ANKRD12: variants seen among roughly 807,000 people sequenced by gnomAD.
The protein encoded by ANKRD12 is ankyrin repeat domain-containing protein 12.
In ANKRD12, 85 loss-of-function variants were observed where a neutral mutation model predicts 183.4. That is an observed-to-expected ratio of 0.46 (90% CI 0.39 to 0.56). The LOEUF (loss-of-function observed/expected upper bound fraction) is 0.56, where lower values mean the gene tolerates loss of function less well. Ranked by LOEUF, ANKRD12 falls within the 20% of genes least tolerant of loss-of-function variation. ANKRD12 has a pLI of 0.00. For missense variants in ANKRD12, 2,405 were observed against 2,357.1 expected (o/e 1.02, Z -0.42); for synonymous variants, 914 against 800.2 (o/e 1.14, Z -2.40).
chr18:9,264,911 G>A (rs1375281075), intron 10 of ANKRD12, among the ~76,000 whole-genome samples: 2 of 152,224 alleles, frequency 1.3e-5, no homozygotes, highest in East Asian at 1.9e-4. Flanking sequence ...AGCTGCCAGC[G>A]TGAGCGACGC....
intron 8 of ANKRD12, among the ~76,000 whole-genome samples, chr18:9,253,806 G>A (rs2038436225): frequency 1.3e-5 from 2 of 152,142 alleles, no homozygotes; most frequent in South Asian, 4.1e-4. Context: ...ACAGTTTGGA[G>A]GTTCTCCAAA....
intron 8 of ANKRD12, among the ~76,000 whole-genome samples, chr18:9,227,300 G>A (rs528806377): frequency 6.6e-6 from 1 of 152,186 alleles, no homozygotes; most frequent in South Asian, 2.1e-4. Context: ...AACTTCTTGT[G>A]AGTGTGAAAT....
chr18:9,229,433 G>A (rs1444417828), intron 8 of ANKRD12, among the ~76,000 whole-genome samples: 1 of 152,064 alleles, frequency 6.6e-6, no homozygotes, highest in East Asian at 1.9e-4. Context: ...GAGCATGGGA[G>A]GTTTTTCCAT....
chr18:9,148,311 A>T (rs1260202217), intron 1 of ANKRD12, among the ~76,000 whole-genome samples: 1 of 150,972 alleles, frequency 6.6e-6, no homozygotes, highest in Non-Finnish European at 1.5e-5. Context: ...GGGAGGGAAA[A>T]ATATATATAT....
At chr18:9,140,385 C>T (rs2078275241) in intron 1 of ANKRD12, among the ~76,000 whole-genome samples, 1 of 152,314 alleles carries the variant, frequency 6.6e-6, no homozygotes, top group African/African-American at 2.4e-5. Context: ...CTGATCCCCA[C>T]TTAGTTCTAA....
At chr18:9,206,717 A>G (rs2035506739) in intron 4 of ANKRD12, among the ~76,000 whole-genome samples, 1 of 152,114 alleles carries the variant, frequency 6.6e-6, no homozygotes, top group African/African-American at 2.4e-5. Context: ...CTTTCTTTCC[A>G]AAATAATTAC....
chr18:9,255,750 TTAAAG>T lies in ANKRD12; in HGVS notation c.2484_2488del (p.Glu830GlyfsTer3), dbSNP rs749204420. ...GAAAAACCTGAGAAGCGATCTCAAATTAAAGAAAAGGACATTGAGAAGATGGAAAG... is the reference window on the plus strand; with the variant it reads ...GAAAAACCTGAGAAGCGATCTCAAATAAAAGGACATTGAGAAGATGGAAAG... On this transcript the variant is annotated frameshift_variant, in exon 9 of 13. Transcript: ENST00000262126. LOFTEE classifies it high-confidence loss of function. 6.3e-7 allele frequency: 1 copy of T among 1,584,676 alleles called. No homozygotes were observed. Among genetic ancestry groups the T allele is most frequent in the Non-Finnish European group, 8.5e-7 (1 of 1,172,290 alleles).
chr18:9,232,166 C>T (rs1373860211), intron 8 of ANKRD12, among the ~76,000 whole-genome samples: 2 of 152,176 alleles, frequency 1.3e-5, no homozygotes, highest in African/African-American at 4.8e-5. Flanking sequence ...TTCTGTGGTA[C>T]TACCATTTGA....
chr18:9,231,855 C>T (rs1040642308), intron 8 of ANKRD12, among the ~76,000 whole-genome samples: 13 of 150,824 alleles, frequency 8.6e-5, no homozygotes, highest in Non-Finnish European at 1.8e-4. Flanking sequence ...ATATTTTATC[C>T]GATATAATTA....
chr18:9,259,144 T>C lies in ANKRD12; in HGVS notation c.5664+213T>C, dbSNP rs1239317726. On this transcript the variant is annotated intron_variant, in intron 9 of 12. Transcript: ENST00000262126. ...GAGTAAGAAATTTTAGCCGAAATAA[T>C]ATGTAGTGACATAGGCTTCAAATAC... Among the ~76,000 whole-genome samples, 3 of 152,196 alleles carry C rather than the reference T, an allele frequency of 2.0e-5. No homozygotes were observed. The East Asian group carries it at 5.8e-4, about 29-fold the overall frequency.
At chr18:9,229,721 AATT>A (rs1222705475) in intron 8 of ANKRD12, among the ~76,000 whole-genome samples, 3 of 151,944 alleles carry the variant, frequency 2.0e-5, no homozygotes, top group Non-Finnish European at 4.4e-5. Context: ...CTTGTGTTGA[AATT>A]ATTATATGGT....
intron 2 of ANKRD12, among the ~76,000 whole-genome samples, chr18:9,194,546 A>C (rs1323616354): frequency 6.6e-6 from 1 of 151,956 alleles, no homozygotes; most frequent in East Asian, 1.9e-4. Flanking sequence ...TTGTAGAGAC[A>C]GGATTTCACC....
chr18:9,213,045 A>C (rs2035896880), intron 6 of ANKRD12, among the ~76,000 whole-genome samples: 5 of 151,872 alleles, frequency 3.3e-5, no homozygotes, highest in Admixed American at 3.3e-4. Context: ...TACAGTGTTT[A>C]TTGTACTACA....
chr18:9,194,584 T>G (rs750008303), intron 2 of ANKRD12, among the ~76,000 whole-genome samples: 1 of 152,110 alleles, frequency 6.6e-6, no homozygotes, highest in Non-Finnish European at 1.5e-5. Flanking sequence ...CTCAAACTCC[T>G]GACCTCAGGT....
In ANKRD12 at chr18:9,159,225, ATATGTG is replaced by A. The variant is rs202246321; in HGVS notation, c.-52+22264_-52+22269del. ...TCTCCAGCTGACATAGTAAGGAAAT[ATATGTG>A]TATATTACTAATTCTATATACATAT... On this transcript the variant is annotated intron_variant, in intron 1 of 12. Transcript: ENST00000262126. Among the ~76,000 whole-genome samples the A allele has an allele frequency of 8.6e-3, 1,311 of 152,274 alleles. 22 individuals are homozygous for A. Among genetic ancestry groups the A allele is most frequent in the African/African-American group, 0.03 (1,238 of 41,540 alleles).
intron 3 of ANKRD12, among the ~76,000 whole-genome samples, chr18:9,197,657 G>GA (rs1021141588): frequency 2.0e-5 from 3 of 151,906 alleles, no homozygotes; most frequent in African/African-American, 7.3e-5. Flanking sequence ...TTAAGCTAGA[G>GA]AAAAAAATGT....
intron 1 of ANKRD12, among the ~76,000 whole-genome samples, chr18:9,146,174 C>A (rs1438311125): frequency 6.6e-6 from 1 of 152,172 alleles, no homozygotes; most frequent in Non-Finnish European, 1.5e-5. Context: ...CTTTAGTAAA[C>A]CTGCTTAACA....
In ANKRD12 at chr18:9,144,796, TAAAAG is replaced by T. The variant is rs761075378; in HGVS notation, c.-52+7838_-52+7842del. Among the ~76,000 whole-genome samples, 3 of 152,106 alleles carry T rather than the reference TAAAAG, an allele frequency of 2.0e-5. No homozygotes were observed. The South Asian group carries it at 6.2e-4, about 31-fold the overall frequency. On this transcript the variant is annotated intron_variant, in intron 1 of 12. Coordinates refer to ENST00000262126, the MANE Select transcript of ANKRD12 (RefSeq NM_015208.5). ...ACTGCACCTTCAAAGATGATGATAT[TAAAAG>T]AAAAGATAAAATGATAAATTTAGAA...
chr18:9,190,990 G>A (rs1040620437), intron 2 of ANKRD12, among the ~76,000 whole-genome samples: 1 of 152,004 alleles, frequency 6.6e-6, no homozygotes, highest in Non-Finnish European at 1.5e-5. Flanking sequence ...ATATTTGCAC[G>A]TGTGTATATA....
Sources: allele counts gnomAD v4.1 joint callset (sites outside exome capture counted in the v4.1 genomes callset), GRCh38; gene constraint gnomAD v4.1.1; transcripts MANE v1.5; gene names NCBI Gene and HGNC (gene_info 2026-07-23, HGNC 2026-07-21).